RBPJ: variants seen among roughly 807,000 people sequenced by gnomAD.
RBPJ encodes the protein recombination signal binding protein for immunoglobulin kappa J region.
In RBPJ, 9 loss-of-function variants were observed where a neutral mutation model predicts 67.8. The ratio of observed to expected loss-of-function variants is 0.13; its 90% CI spans 0.08 to 0.23. RBPJ has a LOEUF of 0.23. Ranked by LOEUF, RBPJ falls within the 10% of genes least tolerant of loss-of-function variation. RBPJ has a pLI of 1.00. For synonymous variants in RBPJ, 198 were observed against 203.3 expected, an observed-to-expected ratio of 0.97 and a Z score of 0.22; for missense variants, 305 against 595.6, an observed-to-expected ratio of 0.51 and a Z score of 5.08.
intron 1 of RBPJ, among the ~76,000 whole-genome samples, chr4:26,354,451 G>GTTTTTTT (rs35328021): frequency 8.5e-6 from 1 of 117,474 alleles, no homozygotes; most frequent in Non-Finnish European, 1.8e-5. Context: ...AAAGATTTCT[G>GTTTTTTT]TTTTTTTTTT....
At chr4:26,267,972 A>G (rs1720757265) in intron 1 of RBPJ, among the ~76,000 whole-genome samples, 1 of 152,172 alleles carries the variant, frequency 6.6e-6, no homozygotes, top group Admixed American at 6.5e-5. Flanking sequence ...ATTCCAACTT[A>G]ATTTATCTGC....
intron 1 of RBPJ, among the ~76,000 whole-genome samples, chr4:26,341,483 A>G (rs575853083): frequency 1.3e-5 from 2 of 152,074 alleles, no homozygotes; most frequent in Non-Finnish European, 2.9e-5. Context: ...GCATGGTGCT[A>G]TGCTCCTGTA....
the RBPJ span, among the ~76,000 whole-genome samples, chr4:26,129,677 A>G: frequency 6.6e-6 from 1 of 152,114 alleles, no homozygotes; most frequent in South Asian, 2.1e-4. Flanking sequence ...AAATCCACCT[A>G]GTTTACAGTT....
intron 2 of RBPJ, among the ~76,000 whole-genome samples, chr4:26,386,858 G>C (rs1183994537): frequency 6.6e-6 from 1 of 152,026 alleles, no homozygotes; most frequent in East Asian, 1.9e-4. Flanking sequence ...TGAAAGTATT[G>C]GTCTTAAAAA....
At chr4:26,386,592 A>G (rs1560313317) in intron 2 of RBPJ, among the ~76,000 whole-genome samples, 1 of 152,182 alleles carries the variant, frequency 6.6e-6, no homozygotes, top group Non-Finnish European at 1.5e-5. Flanking sequence ...ATAGTTGAAA[A>G]GGGAAAATGA....
the RBPJ span, among the ~76,000 whole-genome samples, chr4:26,151,323 C>G: frequency 5.3e-5 from 8 of 152,212 alleles, no homozygotes; most frequent in Non-Finnish European, 1.2e-4. Context: ...AATTGAACAC[C>G]CAAGTAATCT....
intron 1 of RBPJ, among the ~76,000 whole-genome samples, chr4:26,259,713 G>C (rs566768930): frequency 2.8e-4 from 43 of 152,316 alleles, no homozygotes; most frequent in South Asian, 2.5e-3. Flanking sequence ...GAGGTCTATG[G>C]TGTTGGCTAT....
chr4:26,398,289 T>C (rs1732365816), intron 2 of RBPJ, among the ~76,000 whole-genome samples: 1 of 152,088 alleles, frequency 6.6e-6, no homozygotes, highest in Admixed American at 6.6e-5. Context: ...TCTCCCACAC[T>C]CCCTCCACTT....
the RBPJ span, among the ~76,000 whole-genome samples, chr4:26,128,535 G>T: frequency 1.3e-5 from 2 of 152,178 alleles, no homozygotes; most frequent in East Asian, 3.8e-4. Flanking sequence ...AGGAACAGAA[G>T]AAATGAAGTA....
chr4:26,326,110 A>G (rs1456167043), intron 1 of RBPJ, among the ~76,000 whole-genome samples: 1 of 152,174 alleles, frequency 6.6e-6, no homozygotes, highest in African/African-American at 2.4e-5. Context: ...TTGGTGCAAC[A>G]TGGTTCATGT....
chr4:26,129,330 T>G, the RBPJ span, among the ~76,000 whole-genome samples: 2 of 152,242 alleles, frequency 1.3e-5, no homozygotes, highest in Non-Finnish European at 2.9e-5. Flanking sequence ...TCCAAAAATA[T>G]GTCCTTAAAT....
intron 1 of RBPJ, among the ~76,000 whole-genome samples, chr4:26,198,784 A>G (rs1717876869): frequency 6.6e-6 from 1 of 152,160 alleles, no homozygotes; most frequent in South Asian, 2.1e-4. Flanking sequence ...CTTATAAGGG[A>G]TGCTTGAGAA....
chr4:26,403,598 A>G (rs1419269523), intron 2 of RBPJ, among the ~76,000 whole-genome samples: 1 of 152,094 alleles, frequency 6.6e-6, no homozygotes, highest in Non-Finnish European at 1.5e-5. Context: ...ATAAGTTCTC[A>G]TCATTTAGTT....
intron 1 of RBPJ, among the ~76,000 whole-genome samples, chr4:26,352,710 A>C (rs188119660): frequency 3.9e-5 from 6 of 152,364 alleles, no homozygotes; most frequent in Admixed American, 2.6e-4. Flanking sequence ...CTCAAACAAC[A>C]ACAACAAAAA....
the RBPJ span, among the ~76,000 whole-genome samples, chr4:26,132,597 C>G: frequency 6.6e-6 from 1 of 152,216 alleles, no homozygotes; most frequent in Non-Finnish European, 1.5e-5. Context: ...GTACCTCTCT[C>G]TCTGCCCCAG....
intron 1 of RBPJ, among the ~76,000 whole-genome samples, chr4:26,382,918 C>T (rs951270470): frequency 6.6e-6 from 1 of 152,118 alleles, no homozygotes; most frequent in African/African-American, 2.4e-5. Flanking sequence ...TTTCCATACT[C>T]CAATATATAC....
chr4:26,413,708 G>T (rs1387305523), intron 3 of RBPJ, among the ~76,000 whole-genome samples: 4 of 152,120 alleles, frequency 2.6e-5, no homozygotes, highest in African/African-American at 7.2e-5. Flanking sequence ...GAGGCTGAGG[G>T]GGAAGCAAAC....
chr4:26,210,810 T>TC (rs1718394070), intron 1 of RBPJ, among the ~76,000 whole-genome samples: 2 of 149,894 alleles, frequency 1.3e-5, no homozygotes, highest in East Asian at 2.0e-4. Flanking sequence ...TTTCTTTCTT[T>TC]TCTCCTGTGT....
chr4:26,213,389 T>C (rs1383839785), intron 1 of RBPJ, among the ~76,000 whole-genome samples: 1 of 152,100 alleles, frequency 6.6e-6, no homozygotes, highest in Non-Finnish European at 1.5e-5. Flanking sequence ...GTTGTTTGGG[T>C]TTTTTTTCCT....
Sources: gnomAD v4.1 joint callset for allele counts (sites outside exome capture counted in the v4.1 genomes callset) on GRCh38, gnomAD v4.1.1 for gene constraint, MANE v1.5 for transcripts, NCBI Gene and HGNC (gene_info 2026-07-23, HGNC 2026-07-21) for gene names.